DIAPH1: variants seen among roughly 807,000 people sequenced by gnomAD.
The protein encoded by DIAPH1 is protein diaphanous homolog 1.
In DIAPH1, 46 loss-of-function variants were observed where a neutral mutation model predicts 140.7. The observed-to-expected ratio is 0.33, with a 90% CI of 0.26 to 0.42. The LOEUF (loss-of-function observed/expected upper bound fraction) is 0.42, where lower values mean the gene tolerates loss of function less well. Among genes scored for constraint, DIAPH1 ranks in the 10% least tolerant of loss-of-function variants. DIAPH1 has a pLI of 1.00. For missense variants in DIAPH1, 1,310 were observed against 1,558.7 expected (o/e 0.84, Z 2.69); for synonymous variants, 565 against 551.6 (o/e 1.02, Z -0.34).
intron 1 of DIAPH1, among the ~76,000 whole-genome samples, chr5:141,614,815 TA>T (rs3840354): frequency 0.65 from 96,616 of 147,958 alleles, 32,183 homozygotes; most frequent in African/African-American, 0.82. Context: ...CATCATCTGT[TA>T]AAAAAAAAAA....
chr5:141,530,786 T>A (rs2154595037), intron 19 of DIAPH1, among the ~76,000 whole-genome samples: 1 of 152,310 alleles, frequency 6.6e-6, no homozygotes, highest in African/African-American at 2.4e-5. Context: ...AAGACTCAGA[T>A]AAGCCTTTTG....
chr5:141,552,434 G>C (rs1179950893), intron 18 of DIAPH1, among the ~76,000 whole-genome samples: 1 of 152,182 alleles, frequency 6.6e-6, no homozygotes, highest in Non-Finnish European at 1.5e-5. Flanking sequence ...GTCAGAGAAA[G>C]AGATTTGAAG....
chr5:141,604,531 T>C (rs1354990555), intron 1 of DIAPH1, among the ~76,000 whole-genome samples: 1 of 152,130 alleles, frequency 6.6e-6, no homozygotes, highest in African/African-American at 2.4e-5. Context: ...ATGATGTGAG[T>C]AGCAGGACAT....
chr5:141,521,796 C>G (rs995799141), intron 27 of DIAPH1, among the ~76,000 whole-genome samples: 1 of 152,100 alleles, frequency 6.6e-6, no homozygotes, highest in African/African-American at 2.4e-5. Context: ...GCCAGTGGAG[C>G]CTTTGTATTT....
At chr5:141,586,375 A>G (rs2099897550) in intron 3 of DIAPH1, among the ~76,000 whole-genome samples, 1 of 152,202 alleles carries the variant, frequency 6.6e-6, no homozygotes, top group African/African-American at 2.4e-5. Flanking sequence ...TAGGCCTGCC[A>G]CTAGTCTCTA....
chr5:141,569,659 G>C (rs1238335102), intron 18 of DIAPH1, among the ~76,000 whole-genome samples: 2 of 152,078 alleles, frequency 1.3e-5, no homozygotes, highest in African/African-American at 4.8e-5. Flanking sequence ...CTACTCAGGA[G>C]GCTGAGGCAG....
At chr5:141,551,766 T>C (rs998893206) in intron 18 of DIAPH1, among the ~76,000 whole-genome samples, 6 of 152,154 alleles carry the variant, frequency 3.9e-5, no homozygotes, top group Non-Finnish European at 8.8e-5. Context: ...ACAAATAGAA[T>C]ACAGAAAATT....
chr5:141,613,776 T>TA (rs201494874), intron 1 of DIAPH1, among the ~76,000 whole-genome samples: 59 of 152,126 alleles, frequency 3.9e-4, no homozygotes, highest in South Asian at 3.1e-3. Flanking sequence ...AGAAACGTGT[T>TA]AAAAAAAAGG....
At chr5:141,602,214 C>CA (rs1554212271) in intron 1 of DIAPH1, among the ~76,000 whole-genome samples, 3 of 151,346 alleles carry the variant, frequency 2.0e-5, no homozygotes, top group East Asian at 1.9e-4. Context: ...AGCTTTGCCA[C>CA]AAAAAAAAAT....
chr5:141,592,487 T>A (rs1010408126), intron 1 of DIAPH1, among the ~76,000 whole-genome samples: 7 of 143,992 alleles, frequency 4.9e-5, no homozygotes, highest in Non-Finnish European at 9.2e-5. Context: ...CATGACAAGT[T>A]AACAACAACA....
chr5:141,592,713 GCTGTGGTAAATATC>G (rs1441141754), intron 1 of DIAPH1, among the ~76,000 whole-genome samples: 1 of 152,146 alleles, frequency 6.6e-6, no homozygotes, highest in African/African-American at 2.4e-5. Context: ...TCCTAGGCTG[GCTGTGGTAAATATC>G]TCACTTCCTG....
intron 18 of DIAPH1, among the ~76,000 whole-genome samples, chr5:141,546,332 A>G (rs565112482): frequency 6.6e-6 from 1 of 152,250 alleles, no homozygotes; most frequent in African/African-American, 2.4e-5. Flanking sequence ...AAGTGAGCCA[A>G]AACTCCGTCT....
At position 141,573,596 on chromosome 5, in the gene DIAPH1, G is replaced by A. The variant is rs759882305; in HGVS notation, c.2254C>T (p.Pro752Ser). The change falls in exon 16 of 28, where the codon CCA (proline) becomes TCA (serine). Residue 752 changes from proline to serine, a missense_variant. Pro to Ser is a moderately conservative substitution (Grantham distance 74). This residue lies in a region of DIAPH1 where 589 missense variants were observed against 549.3 expected (regional missense o/e 1.07). Coordinates refer to ENST00000389054, the MANE Select transcript of DIAPH1 (RefSeq NM_005219.5). ...PPGMGMPPPPPFGFGVPAAPV... is the reference protein window; with the variant it reads ...PPGMGMPPPPSFGFGVPAAPV... ...GCTGCAGGAACTCCAAATCCAAATG[G>A]GGGAGGTGGAGGCATACCCATTCCG... is the stretch of plus-strand genomic sequence containing the variant. The A allele has an allele frequency of 1.9e-6, 3 of 1,614,058 alleles. No individual in the cohort carries two copies. The highest frequency in any genetic ancestry group is 2.5e-6 in the Non-Finnish European group (3 of 1,179,996).
chr5:141,602,783 A>G (rs1163545961), intron 1 of DIAPH1, among the ~76,000 whole-genome samples: 1 of 152,254 alleles, frequency 6.6e-6, no homozygotes, highest in African/African-American at 2.4e-5. Context: ...AGAACTAAAG[A>G]AAATGAAATA....
At position 141,527,664 on chromosome 5, in the gene DIAPH1, T is replaced by G; in HGVS notation, c.3182A>C (p.Gln1061Pro). The change falls in exon 24 of 28, where the codon CAG (glutamine) becomes CCG (proline). Residue 1061 changes from glutamine (Q) to proline (P), a missense_variant. By Grantham distance (76) the Gln-to-Pro change is moderately conservative (BLOSUM62 -1). Transcript: ENST00000389054. ...CACATCAGAAATTTGTTTCTTCATC[T>G]GATCTAGGTTCTTTTGCAAGTTTTC... Reference protein sequence around the residue: ...SAENLQKNLDQMKKQISDVER... With the variant: ...SAENLQKNLDPMKKQISDVER... 1.3e-6 allele frequency: 2 copies of G among 1,596,330 alleles called. No homozygotes were observed. Among genetic ancestry groups the G allele is most frequent in the Non-Finnish European group, 1.7e-6 (2 of 1,174,590 alleles).
chr5:141,519,033 G>A (rs2099886127), intron 27 of DIAPH1: 4 of 1,536,808 alleles, frequency 2.6e-6, no homozygotes, highest in Non-Finnish European at 3.5e-6. Flanking sequence ...GACCCTGACT[G>A]ACAGCCACAG....
At chr5:141,566,830 G>T (rs1239489281) in intron 18 of DIAPH1, among the ~76,000 whole-genome samples, 1 of 152,166 alleles carries the variant, frequency 6.6e-6, no homozygotes, top group Non-Finnish European at 1.5e-5. Flanking sequence ...AGGAGGCAGA[G>T]GCTACAGTGA....
At chr5:141,577,259 G>A (rs1292575055) in intron 12 of DIAPH1, among the ~76,000 whole-genome samples, 6 of 152,076 alleles carry the variant, frequency 3.9e-5, no homozygotes, top group African/African-American at 1.2e-4. Context: ...AAAACAGAAC[G>A]GCATTTCACC....
Position 141,568,547 on chromosome 5 carries a change from T to C in DIAPH1, c.2482+2881A>G, listed in dbSNP as rs186314383. 4.0e-4 allele frequency among the ~76,000 whole-genome samples: 61 copies of C among 152,290 alleles called. 1 individual carries two copies. Among genetic ancestry groups the C allele is most frequent in the Admixed American group, 3.2e-3 (49 of 15,298 alleles). ...ACTAATCCTTAAAAGAGAAATAATGTGTAAAAGAATCTGGAGTATAATATT... is the reference window on the plus strand; with the variant it reads ...ACTAATCCTTAAAAGAGAAATAATGCGTAAAAGAATCTGGAGTATAATATT... On this transcript the variant is annotated intron_variant, in intron 18 of 27. Coordinates refer to ENST00000389054, the MANE Select transcript of DIAPH1 (RefSeq NM_005219.5).
Sources: gnomAD v4.1 joint callset for allele counts (sites outside exome capture counted in the v4.1 genomes callset) on GRCh38, gnomAD v4.1.1 for gene constraint, gnomAD v4.1.1 regional missense constraint, MANE v1.5 for transcripts, NCBI Gene and HGNC (gene_info 2026-07-23, HGNC 2026-07-21) for gene names.